Variants in INPP5B observed in about 807,000 individuals in gnomAD.
INPP5B encodes the protein type II inositol 1,4,5-trisphosphate 5-phosphatase.
Under a neutral mutation model 118.5 loss-of-function variants are expected in INPP5B, and 90 were observed. The ratio of observed to expected loss-of-function variants is 0.76; its 90% CI spans 0.64 to 0.90. The LOEUF (loss-of-function observed/expected upper bound fraction) is 0.90. Ranked by LOEUF, INPP5B falls within the 40% of genes least tolerant of loss-of-function variation. INPP5B has a pLI of 0.00. For missense variants in INPP5B, 984 were observed against 1,125.6 expected (o/e 0.87, Z 1.80); for synonymous variants, 385 against 418.9 (o/e 0.92, Z 0.99).
At chr1:37,898,153 A>T (rs918096014) in intron 7 of INPP5B, among the ~76,000 whole-genome samples, 1 of 152,224 alleles carries the variant, frequency 6.6e-6, no homozygotes, top group African/African-American at 2.4e-5. Context: ...CATATTGCTG[A>T]GTGAAGGAAG....
intron 7 of INPP5B, chr1:37,929,593 C>A (rs1645370587): frequency 6.6e-6 from 1 of 152,090 alleles, no homozygotes. Flanking sequence ...GAAGATGTAA[C>A]TCTCCTCTGA....
chr1:37,914,390 C>T (rs912901525), intron 7 of INPP5B, among the ~76,000 whole-genome samples: 3 of 152,074 alleles, frequency 2.0e-5, no homozygotes, highest in Admixed American at 1.3e-4. Context: ...GACCCCTTTC[C>T]GGTAACAATT....
chr1:37,936,298 CTCT>C (rs965653822), intron 6 of INPP5B, among the ~76,000 whole-genome samples: 4 of 151,960 alleles, frequency 2.6e-5, no homozygotes, highest in African/African-American at 9.7e-5. Context: ...TGGGGAAAAA[CTCT>C]TCTTCATCCT....
intron 7 of INPP5B, among the ~76,000 whole-genome samples, chr1:37,896,394 C>T (rs1224827999): frequency 1.3e-5 from 2 of 151,660 alleles, no homozygotes; most frequent in African/African-American, 2.4e-5. Context: ...CGTCTCCGCC[C>T]GGCAGCCACC....
intron 7 of INPP5B, among the ~76,000 whole-genome samples, chr1:37,908,253 G>A (rs192777235): frequency 6.6e-6 from 1 of 152,020 alleles, no homozygotes; most frequent in Non-Finnish European, 1.5e-5. Context: ...CCAGTCCCCT[G>A]TCTTCGCCCT....
intron 7 of INPP5B, among the ~76,000 whole-genome samples, chr1:37,922,511 C>T (rs1188204267): frequency 2.0e-5 from 3 of 151,424 alleles, no homozygotes; most frequent in Admixed American, 1.3e-4. Context: ...CTGGCTAACA[C>T]GGTGAAACCC....
chr1:37,891,869 T>C (rs1360221815), intron 7 of INPP5B, among the ~76,000 whole-genome samples: 1 of 152,336 alleles, frequency 6.6e-6, no homozygotes, highest in Middle Eastern at 3.4e-3. Flanking sequence ...CTAGGAATTA[T>C]TGGTAGTCCA....
In INPP5B at chr1:37,864,423, C is replaced by A. The variant is rs751058893; in HGVS notation, c.2515G>T (p.Val839Phe). The A allele has an allele frequency of 6.4e-7, 1 of 1,569,272 alleles. No homozygotes were observed. Among genetic ancestry groups the A allele is most frequent in the Non-Finnish European group, 8.8e-7 (1 of 1,140,150 alleles). ...CSGNYTASKQ[V>F]ISTLPIFHKN... ...TGGAATATGGGGAGAGTAGAAATGA[C>A]CTGAAAGAGGAAGAACCGGGATTTG... Residue 839 changes from valine (V) to phenylalanine (F), a missense_variant and splice_region_variant, in exon 23 of 24, where the codon GTC becomes TTC. Transcript: ENST00000373024.
At chr1:37,863,035 C>T (rs1056797195) in intron 23 of INPP5B, among the ~76,000 whole-genome samples, 5 of 152,044 alleles carry the variant, frequency 3.3e-5, no homozygotes, top group East Asian at 1.9e-4. Context: ...AGTGGGGGCT[C>T]GTCCCCAGGA....
chr1:37,925,486 G>A (rs1459763605), intron 7 of INPP5B, among the ~76,000 whole-genome samples: 1 of 152,168 alleles, frequency 6.6e-6, no homozygotes, highest in Non-Finnish European at 1.5e-5. Flanking sequence ...CAAGACTCCT[G>A]CCTCAGCCTC....
chr1:37,895,943 G>A, intron 7 of INPP5B, among the ~76,000 whole-genome samples: 1 of 151,950 alleles, frequency 6.6e-6, no homozygotes, highest in East Asian at 1.9e-4. Flanking sequence ...ACCCCGTCTG[G>A]GAAGTGAGGA....
At chr1:37,878,802 G>A (rs1214512161) in intron 15 of INPP5B, among the ~76,000 whole-genome samples, 1 of 151,554 alleles carries the variant, frequency 6.6e-6, no homozygotes, top group Admixed American at 6.6e-5. Flanking sequence ...GGTGTGCACC[G>A]CCATGGCTGG....
At chr1:37,937,463 C>A (rs915105330) in intron 6 of INPP5B, among the ~76,000 whole-genome samples, 4 of 151,836 alleles carry the variant, frequency 2.6e-5, no homozygotes, top group African/African-American at 9.7e-5. Flanking sequence ...AAAACCCCAT[C>A]TCTACTAAAA....
In INPP5B at chr1:37,889,334, G is replaced by A. The variant is rs144976731; in HGVS notation, c.797+223C>T. Among the ~76,000 whole-genome samples the A allele has an allele frequency of 1.5e-3, 229 of 152,278 alleles. 2 individuals are homozygous for A. Among genetic ancestry groups the A allele is most frequent in the African/African-American group, 5.1e-3 (212 of 41,552 alleles). On this transcript the variant is annotated intron_variant, in intron 9 of 23. Transcript: ENST00000373024. The stretch of plus-strand genomic sequence containing the variant: ...ATATTTCTGTAACTATCTGCAAGTC[G>A]TGTCACTCCCACTATACCACACCTA...
chr1:37,896,071 C>T (rs1245445518), intron 7 of INPP5B, among the ~76,000 whole-genome samples: 77 of 149,708 alleles, frequency 5.1e-4, no homozygotes, highest in African/African-American at 1.8e-3. Context: ...AAGTGAGGAG[C>T]GCCTCTTCCC....
intron 7 of INPP5B, chr1:37,931,200 C>A: frequency 3.1e-6 from 1 of 323,300 alleles, no homozygotes; most frequent in Non-Finnish European, 5.9e-6. Flanking sequence ...AAGACTCCAG[C>A]CCTGTACACT....
At chr1:37,881,359 A>G (rs1557640099) in intron 14 of INPP5B, among the ~76,000 whole-genome samples, 2 of 152,180 alleles carry the variant, frequency 1.3e-5, no homozygotes. Flanking sequence ...CATCCTTCCT[A>G]TTAATTTTAG....
At chr1:37,908,257 TC>T (rs1344869481) in intron 7 of INPP5B, among the ~76,000 whole-genome samples, 2 of 152,158 alleles carry the variant, frequency 1.3e-5, no homozygotes, top group African/African-American at 4.8e-5. Context: ...TCCCCTGTCT[TC>T]GCCCTCACTC....
intron 5 of INPP5B, chr1:37,941,958 A>AAAAAAAAATATAT (rs1427344681): frequency 4.0e-4 from 12 of 30,376 alleles, no homozygotes; most frequent in Non-Finnish European, 6.6e-4. Context: ...AAAAAAAAAA[A>AAAAAAAAATATAT]ATATATATAT....
Sources: allele counts gnomAD v4.1 joint callset (sites outside exome capture counted in the v4.1 genomes callset), GRCh38; gene constraint gnomAD v4.1.1; transcripts MANE v1.5; gene names NCBI Gene and HGNC (gene_info 2026-07-23, HGNC 2026-07-21).